The following TPM4 variants were observed in gnomAD, a reference collection of about 807,000 sequenced individuals.
TPM4 encodes tropomyosin 4.
In TPM4, 17 loss-of-function variants were observed where a neutral mutation model predicts 35.8. The observed-to-expected ratio is 0.47, with a 90% CI of 0.32 to 0.71. The LOEUF is 0.71. Among genes scored for constraint, TPM4 ranks in the 30% least tolerant of loss-of-function variants. The pLI, the probability that TPM4 is intolerant of heterozygous loss-of-function variation, is 0.03. For synonymous variants in TPM4, 120 were observed against 122.9 expected (o/e 0.98, Z 0.15); for missense variants, 240 against 320.9 (o/e 0.75, Z 1.93).
chr19:16,072,991 CAT>C (rs1431565923), upstream of TPM4, among the ~76,000 whole-genome samples: 4 of 152,136 alleles, frequency 2.6e-5, no homozygotes, highest in Admixed American at 2.6e-4. Flanking sequence ...CCTGTCCTCA[CAT>C]GTTCTTGCCC....
intron 2 of TPM4, among the ~76,000 whole-genome samples, chr19:16,068,889 CTG>C (rs1198189035): frequency 6.6e-6 from 1 of 152,098 alleles, no homozygotes; most frequent in Non-Finnish European, 1.5e-5. Flanking sequence ...GTAAAGGTGA[CTG>C]TGAGAATGAG....
rs1774779275 is a variant in TPM4 at position 16,070,138 on chromosome 19, G to T, written c.114+2400G>T. On this transcript the variant is annotated intron_variant, in intron 2 of 2. Coordinates refer to the TPM4 transcript ENST00000589897. The surrounding 1 kb of genome is among the most constrained non-coding windows in gnomAD (Gnocchi z 7.4). The stretch of plus-strand genomic sequence containing the variant: ...GGGGTGTCCCTGCTAAAAGCCTGGA[G>T]GCCGGGGCAGGTGGGCTGCCCGTGG... Among the ~76,000 whole-genome samples the T allele has an allele frequency of 6.6e-6, 1 of 152,112 alleles. No individual in the cohort carries two copies. Among genetic ancestry groups the T allele is most frequent in the African/African-American group, 2.4e-5 (1 of 41,402 alleles).
chr19:16,089,573 G>A (rs1365260490), intron 5 of TPM4, among the ~76,000 whole-genome samples: 3 of 151,976 alleles, frequency 2.0e-5, no homozygotes, highest in Non-Finnish European at 4.4e-5. Context: ...TTCCACGGCC[G>A]AACCCCACTG....
At position 16,088,102 on chromosome 19, in the gene TPM4, G is replaced by A. The variant is rs1655526350; in HGVS notation, c.455+5G>A. 6.2e-7 allele frequency: 1 copy of A among 1,610,364 alleles called. No individual in the cohort carries two copies. Among genetic ancestry groups the A allele is most frequent in the Non-Finnish European group, 8.5e-7 (1 of 1,178,810 alleles). ...GCGTGCGGAGGTGTCTGAACTGTGAGTGGCAGAACAGGACTGAGCGAGGCT... is the reference window on the plus strand; with the variant it reads ...GCGTGCGGAGGTGTCTGAACTGTGAATGGCAGAACAGGACTGAGCGAGGCT... On this transcript the variant is annotated splice_donor_5th_base_variant and intron_variant, in intron 4 of 7. Transcript: ENST00000643579.
At chr19:16,089,272 A>G (rs1381295398) in intron 5 of TPM4, 152 bp downstream of exon 5, 1 of 978,690 alleles carries the variant, frequency 1.0e-6, no homozygotes, top group Admixed American at 2.6e-5. Flanking sequence ...CCCTACAGAA[A>G]GAGCTGGATT....
intron 7 of TPM4, among the ~76,000 whole-genome samples, chr19:16,094,467 C>T (rs1480394262): frequency 2.0e-5 from 3 of 150,970 alleles, no homozygotes; most frequent in African/African-American, 4.9e-5. Flanking sequence ...ACCTGGGAGG[C>T]GGAGGTTGCA....
chr19:16,069,568 G>GGTTGTGTGTA (rs1294831390), intron 2 of TPM4, among the ~76,000 whole-genome samples: 2 of 27,392 alleles, frequency 7.3e-5, no homozygotes, highest in African/African-American at 2.6e-4. Context: ...GTTTCTATTG[G>GGTTGTGTGTA]TGTGTGTGTT....
chr19:16,080,993 A>G, intron 1 of TPM4: 1 of 398,262 alleles, frequency 2.5e-6, no homozygotes, highest in Non-Finnish European at 4.4e-6. Flanking sequence ...TTCCCTTTCC[A>G]TATCTTTTTG....
chr19:16,078,183 G>A lies in TPM4; in HGVS notation c.132+1486G>A, dbSNP rs62116854. On this transcript the variant is annotated intron_variant, in intron 1 of 7. Transcript: ENST00000643579. ...TCCACGGGTTTTCTGTGCAGTTATG[G>A]GAGCATGACAGGGGAGGCTCCAAAA... 1,540 of 398,714 alleles carry A rather than the reference G, an allele frequency of 3.9e-3. 5 individuals are homozygous for A. Among genetic ancestry groups the A allele is most frequent in the Non-Finnish European group, 5.1e-3 (1,159 of 226,158 alleles). The allele number at this position is 398,714 out of a possible 1,614,324, so 24.7% of individuals were successfully genotyped here. A position where few individuals can be genotyped will look rare whatever the true frequency, so the allele number is the denominator to read the frequency against.
chr19:16,078,843 A>AAAC (rs1568301432), intron 1 of TPM4, among the ~76,000 whole-genome samples: 1 of 151,806 alleles, frequency 6.6e-6, no homozygotes, highest in African/African-American at 2.4e-5. Context: ...AAAAAAAAAA[A>AAAC]AAAAAACCTT....
rs1303876003 is a variant in TPM4, at chr19:16,101,602, G to A, written c.*256G>A. On this transcript the variant is annotated 3_prime_UTR_variant, in exon 8 of 8. Coordinates refer to ENST00000643579, the MANE Select transcript of TPM4 (RefSeq NM_003290.3). ...TTCCTTAAGTAGCATTTATTCCTAA[G>A]GTAGGCAGGGTATTTCCTAGTAAGC... The A allele has an allele frequency of 7.3e-5, 28 of 383,428 alleles. No individual in the cohort carries two copies. Among genetic ancestry groups the A allele is most frequent in the Non-Finnish European group, 1.2e-4 (26 of 208,780 alleles). The allele number at this position is 383,428 out of a possible 1,614,324, so 23.8% of individuals were successfully genotyped here. A position where few individuals can be genotyped will look rare whatever the true frequency, so the allele number is the denominator to read the frequency against.
upstream of TPM4, chr19:16,076,157 G>A (rs2090402171): frequency 6.4e-7 from 1 of 1,562,440 alleles, no homozygotes; most frequent in African/African-American, 1.4e-5. Context: ...AGCTCACGGA[G>A]AAGAAGGCCT....
chr19:16,099,540 T>TG (rs1443359794), intron 7 of TPM4: 5 of 152,108 alleles, frequency 3.3e-5, no homozygotes, highest in Admixed American at 3.3e-4. Flanking sequence ...GCTATGATCA[T>TG]GCCACTGCAC....
rs554106395 is a variant in TPM4, at chr19:16,068,764, TGA to T, written c.114+1028_114+1029del. 1.1e-3 allele frequency among the ~76,000 whole-genome samples: 160 copies of T among 152,268 alleles called. 1 individual carries two copies. Among genetic ancestry groups the T allele is most frequent in the Non-Finnish European group, 1.3e-3 (86 of 68,032 alleles). On this transcript the variant is annotated intron_variant, in intron 2 of 2. Coordinates refer to the TPM4 transcript ENST00000589897. Reference sequence around the variant, plus strand: ...GTGTGAGAGCAGTTCTGTGTGTGTGTGAGTGTATCTGTGTGTGTTTGAGCCTT... The same window carrying T: ...GTGTGAGAGCAGTTCTGTGTGTGTGTGTGTATCTGTGTGTGTTTGAGCCTT...
intron 2 of TPM4, among the ~76,000 whole-genome samples, chr19:16,071,421 G>A (rs1007819405): frequency 6.6e-6 from 1 of 152,208 alleles, no homozygotes; most frequent in Non-Finnish European, 1.5e-5. Flanking sequence ...CTGGGCTCAA[G>A]TGATCCTTCC....
chr19:16,099,671 A>C (rs779828636), intron 7 of TPM4: 1 of 152,100 alleles, frequency 6.6e-6, no homozygotes, highest in Non-Finnish European at 1.5e-5. Context: ...ACATTTTATG[A>C]GGCATTTTGC....
chr19:16,072,810 G>A (rs2090367130), upstream of TPM4, among the ~76,000 whole-genome samples: 1 of 152,082 alleles, frequency 6.6e-6, no homozygotes. Context: ...GGGAGGTTGA[G>A]GCAGGAGAAG....
In TPM4 at chr19:16,101,706, T is replaced by C. The variant is rs1428736140; in HGVS notation, c.*360T>C. On this transcript the variant is annotated 3_prime_UTR_variant, in exon 8 of 8. Coordinates refer to ENST00000643579, the MANE Select transcript of TPM4 (RefSeq NM_003290.3). ...ACTTTGAAGAATACAGACCCCAGTATCTAGTCGTGGATATAATTAAAACGC... is the reference window on the plus strand; with the variant it reads ...ACTTTGAAGAATACAGACCCCAGTACCTAGTCGTGGATATAATTAAAACGC... 3 of 257,988 alleles carry C rather than the reference T, an allele frequency of 1.2e-5. No individual in the cohort carries two copies. The highest frequency in any genetic ancestry group is 5.8e-5 in the East Asian group (1 of 17,206). 16.0% of individuals were successfully genotyped at this position (257,988 alleles called of 1,614,324 possible).
chr19:16,083,682 CT>C (rs1476299505), intron 2 of TPM4, among the ~76,000 whole-genome samples: 1 of 145,544 alleles, frequency 6.9e-6, no homozygotes, highest in Non-Finnish European at 1.5e-5. Flanking sequence ...GCGTCTGCCC[CT>C]CATTCACACC....
Sources: gnomAD v4.1 joint callset for allele counts (sites outside exome capture counted in the v4.1 genomes callset) on GRCh38, gnomAD v4.1.1 for gene constraint, Gnocchi (gnomAD v3.1) non-coding constraint, MANE v1.5 for transcripts, NCBI Gene and HGNC (gene_info 2026-07-23, HGNC 2026-07-21) for gene names.